The following ZC2HC1A variants were observed in gnomAD, a reference collection of about 807,000 sequenced individuals.
ZC2HC1A encodes the protein zinc finger C2HC-type containing 1A.
A neutral mutation model predicts 40.7 loss-of-function variants in ZC2HC1A; 28 were observed. The observed-to-expected ratio is 0.69, with a 90% CI of 0.51 to 0.94. The LOEUF is 0.94. Among genes scored for constraint, ZC2HC1A ranks in the 40% least tolerant of loss-of-function variants. The probability of loss-of-function intolerance (pLI) is 0.00; values close to 1 mark genes in which losing one functional copy is unlikely to be tolerated. For missense variants in ZC2HC1A, 389 were observed against 386.3 expected (o/e 1.01, Z -0.06); for synonymous variants, 129 against 129.2 (o/e 1.00, Z 0.01).
In ZC2HC1A at chr8:78,684,798, T is replaced by A. The variant is rs568982761; in HGVS notation, c.211-1669T>A. Among the ~76,000 whole-genome samples, 8 of 152,308 alleles carry A rather than the reference T, an allele frequency of 5.3e-5. No homozygotes were observed. In the East Asian group the frequency reaches 1.5e-3, roughly 29 times the overall value. ...ATGAAATATTTAGGAATAAGCTTTA[T>A]AATAAAGATACAAGACTTCCACAAA... On this transcript the variant is annotated intron_variant, in intron 3 of 8. Coordinates refer to ENST00000263849, the MANE Select transcript of ZC2HC1A (RefSeq NM_016010.3).
At position 78,700,899 on chromosome 8, in the gene ZC2HC1A, G is replaced by A. The variant is rs1415624875; in HGVS notation, c.704+2386G>A. ...ATGCTGTTTTGATTACTGTAGCCCT[G>A]TAGTATAGCTGGAAGTCAGGCAGCA... On this transcript the variant is annotated intron_variant, in intron 7 of 8. Coordinates refer to ENST00000263849, the MANE Select transcript of ZC2HC1A (RefSeq NM_016010.3). Among the ~76,000 whole-genome samples, 3 of 152,156 alleles carry A rather than the reference G, an allele frequency of 2.0e-5. No individual in the cohort carries two copies. In the East Asian group the frequency reaches 5.8e-4, roughly 29 times the overall value.
intron 8 of ZC2HC1A, among the ~76,000 whole-genome samples, chr8:78,716,060 G>A (rs1286096820): frequency 1.3e-5 from 2 of 149,240 alleles, no homozygotes; most frequent in Non-Finnish European, 3.0e-5. Context: ...AAAAAAGGCT[G>A]TTATAGTGTA....
chr8:78,717,400 C>T lies in ZC2HC1A; in HGVS notation c.885C>T (p.Asn295=). The change falls in exon 9 of 9, where the codon AAC becomes AAT. Residue 295 remains asparagine (N), a synonymous_variant. Transcript: ENST00000263849. ...GCATTGAAGGACATTCACCTGGAAACTTACCAAAATTCTGCCATGAGTGTG... is the reference window on the plus strand; with the variant it reads ...GCATTGAAGGACATTCACCTGGAAATTTACCAAAATTCTGCCATGAGTGTG... ...IKGIEGHSPG[N]LPKFCHECGT... 6.2e-7 allele frequency: 1 copy of T among 1,613,300 alleles called. No individual in the cohort carries two copies. Among genetic ancestry groups the T allele is most frequent in the Non-Finnish European group, 8.5e-7 (1 of 1,179,818 alleles).
chr8:78,705,417 C>T (rs1810741100), intron 7 of ZC2HC1A, among the ~76,000 whole-genome samples: 1 of 152,168 alleles, frequency 6.6e-6, no homozygotes, highest in Non-Finnish European at 1.5e-5. Flanking sequence ...GTGAAGGCTA[C>T]AAATCAGCAA....
chr8:78,684,396 A>T (rs541327266), intron 3 of ZC2HC1A, among the ~76,000 whole-genome samples: 1 of 152,296 alleles, frequency 6.6e-6, no homozygotes, highest in African/African-American at 2.4e-5. Context: ...AAACCATCAG[A>T]TCTCATGAGA....
At chr8:78,713,691 A>T (rs769644211) in intron 7 of ZC2HC1A, among the ~76,000 whole-genome samples, 8 of 152,178 alleles carry the variant, frequency 5.3e-5, no homozygotes, top group Non-Finnish European at 1.0e-4. Flanking sequence ...TTTAGAAGTA[A>T]TTTAAAGAAG....
intron 7 of ZC2HC1A, among the ~76,000 whole-genome samples, chr8:78,703,879 A>G (rs1465637035): frequency 6.6e-6 from 1 of 152,142 alleles, no homozygotes; most frequent in African/African-American, 2.4e-5. Context: ...TTACAGTATT[A>G]CTGGTCTGTG....
intron 4 of ZC2HC1A, among the ~76,000 whole-genome samples, chr8:78,688,167 T>C (rs1485961759): frequency 6.6e-6 from 1 of 151,812 alleles, no homozygotes; most frequent in Non-Finnish European, 1.5e-5. Context: ...CCTGGGCCTC[T>C]TTTAATACTA....
chr8:78,702,935 C>T (rs1029788428), intron 7 of ZC2HC1A, among the ~76,000 whole-genome samples: 23 of 152,060 alleles, frequency 1.5e-4, no homozygotes, highest in East Asian at 5.8e-4. Flanking sequence ...TTCACTCTGT[C>T]GCCCAGGCTA....
chr8:78,691,424 A>C (rs1586002601), intron 5 of ZC2HC1A, among the ~76,000 whole-genome samples: 1 of 152,140 alleles, frequency 6.6e-6, no homozygotes, highest in African/African-American at 2.4e-5. Flanking sequence ...GAATATAGCC[A>C]TTTTAACATA....
intron 8 of ZC2HC1A, among the ~76,000 whole-genome samples, chr8:78,716,922 A>G (rs566161607): frequency 2.0e-4 from 30 of 152,218 alleles, no homozygotes; most frequent in African/African-American, 7.2e-4. Flanking sequence ...ACCATGTAAG[A>G]CATGCTTGCT....
chr8:78,690,792 TATAGGTC>T (rs2130509683), intron 5 of ZC2HC1A, among the ~76,000 whole-genome samples: 1 of 152,344 alleles, frequency 6.6e-6, no homozygotes, highest in African/African-American at 2.4e-5. Context: ...GTGTATATTA[TATAGGTC>T]ATACACATGT....
chr8:78,686,413 A>G, intron 3 of ZC2HC1A, 54 bp from the exon 4 acceptor site: 16 of 1,260,298 alleles, frequency 1.3e-5, no homozygotes, highest in Non-Finnish European at 1.3e-5. Flanking sequence ...ATTTCAATAT[A>G]CTAAAAAGAT....
intron 4 of ZC2HC1A, among the ~76,000 whole-genome samples, chr8:78,687,864 CT>C (rs1810069003): frequency 3.1e-5 from 1 of 32,346 alleles, no homozygotes; most frequent in Non-Finnish European, 1.4e-4. Context: ...TAATATATAT[CT>C]ATATAATAAA....
chr8:78,687,501 A>T (rs1810029555), intron 4 of ZC2HC1A, among the ~76,000 whole-genome samples: 1 of 143,010 alleles, frequency 7.0e-6, no homozygotes, highest in Non-Finnish European at 1.5e-5. Context: ...TGTTTATATA[A>T]TAAATTATAT....
intron 5 of ZC2HC1A, among the ~76,000 whole-genome samples, chr8:78,694,350 C>A (rs534027910): frequency 2.4e-4 from 36 of 150,578 alleles, no homozygotes; most frequent in Admixed American, 2.7e-4. Context: ...TTGACCTTTG[C>A]TGCTTGTTAC....
intron 3 of ZC2HC1A, among the ~76,000 whole-genome samples, chr8:78,680,693 C>T (rs1809748078): frequency 6.6e-6 from 1 of 152,094 alleles, no homozygotes; most frequent in Admixed American, 6.6e-5. Context: ...TGCCCCAAAG[C>T]AGTTGAAATC....
At chr8:78,711,484 A>T (rs1276073701) in intron 7 of ZC2HC1A, among the ~76,000 whole-genome samples, 1 of 152,076 alleles carries the variant, frequency 6.6e-6, no homozygotes, top group African/African-American at 2.4e-5. Context: ...CATTTCAGAA[A>T]TAAAGTCACT....
At chr8:78,683,986 C>A (rs548883797) in intron 3 of ZC2HC1A, among the ~76,000 whole-genome samples, 2 of 152,310 alleles carry the variant, frequency 1.3e-5, no homozygotes, top group Non-Finnish European at 2.9e-5. Flanking sequence ...ACCACCTTAG[C>A]CTGGACTTTG....
Sources: allele counts gnomAD v4.1 joint callset (sites outside exome capture counted in the v4.1 genomes callset), GRCh38; gene constraint gnomAD v4.1.1; transcripts MANE v1.5; gene names NCBI Gene and HGNC (gene_info 2026-07-23, HGNC 2026-07-21).